KIAA1671: variants seen among roughly 807,000 people sequenced by gnomAD.
KIAA1671 encodes uncharacterized protein KIAA1671.
Under a neutral mutation model 131.2 loss-of-function variants are expected in KIAA1671, and 52 were observed. That is an observed-to-expected ratio of 0.40 (90% confidence interval 0.32 to 0.50). The LOEUF is 0.50. KIAA1671 is among the 20% of genes least tolerant of loss of function. KIAA1671 has a pLI of 0.73. For missense variants in KIAA1671, 2,360 were observed against 2,364.2 expected, an observed-to-expected ratio of 1.00 and a Z score of 0.04; for synonymous variants, 1,003 against 961.6, an observed-to-expected ratio of 1.04 and a Z score of -0.80.
intron 5 of KIAA1671, among the ~76,000 whole-genome samples, chr22:25,043,629 G>A (rs1241327760): frequency 6.6e-6 from 1 of 152,168 alleles, no homozygotes; most frequent in African/African-American, 2.4e-5. Context: ...GAGTGATGGG[G>A]TGCAGAGGGA....
At chr22:25,049,732 C>CT (rs1255507520) in intron 6 of KIAA1671, 2 of 174,474 alleles carry the variant, frequency 1.1e-5, no homozygotes, top group African/African-American at 4.8e-5. Flanking sequence ...ACTTCAGTTT[C>CT]TTCACCTGGA....
At chr22:25,017,406 T>G (rs993991879) in intron 1 of KIAA1671, among the ~76,000 whole-genome samples, 15 of 152,100 alleles carry the variant, frequency 9.9e-5, no homozygotes, top group Admixed American at 4.6e-4. Flanking sequence ...AAGGGGGTGG[T>G]AACTTCTGGA....
At chr22:25,126,141 T>C (rs968238157) in intron 6 of KIAA1671, among the ~76,000 whole-genome samples, 4 of 152,202 alleles carry the variant, frequency 2.6e-5, no homozygotes, top group Non-Finnish European at 4.4e-5. Flanking sequence ...TTGGAAGTAC[T>C]CTTCACGGTC....
At chr22:24,991,768 C>T (rs1923853920) in intron 1 of KIAA1671, among the ~76,000 whole-genome samples, 1 of 151,886 alleles carries the variant, frequency 6.6e-6, no homozygotes. Context: ...GCCCAGTTTC[C>T]TCCTTTCTGA....
At position 25,190,792 on chromosome 22, in the gene KIAA1671, G is replaced by A. The variant is rs755450438; in HGVS notation, c.*4+8G>A. ...AGAACCAAGTTTGACCAGGTATGAA[G>A]GGGCTCTGTTGGGGAACCTGGGAAG... is the stretch of plus-strand genomic sequence containing the variant. On this transcript the variant is annotated splice_region_variant and intron_variant, in intron 12 of 12. Coordinates refer to ENST00000358431, the MANE Select transcript of KIAA1671 (RefSeq NM_001145206.2). The A allele has an allele frequency of 6.5e-7, 1 of 1,543,896 alleles. No individual in the cohort carries two copies.
intron 6 of KIAA1671, among the ~76,000 whole-genome samples, chr22:25,145,897 G>A (rs183778577): frequency 1.4e-3 from 207 of 151,302 alleles, no homozygotes; most frequent in African/African-American, 4.8e-3. Flanking sequence ...CTATGATCAC[G>A]CCACTGTACT....
intron 1 of KIAA1671, among the ~76,000 whole-genome samples, chr22:24,985,484 C>G (rs1034899462): frequency 6.6e-6 from 1 of 152,018 alleles, no homozygotes; most frequent in Non-Finnish European, 1.5e-5. Context: ...GGACTACAGG[C>G]GCCCGCCACC....
At chr22:24,975,163 G>A (rs563560308) in intron 1 of KIAA1671, among the ~76,000 whole-genome samples, 97 of 152,226 alleles carry the variant, frequency 6.4e-4, no homozygotes, top group African/African-American at 2.3e-3. Flanking sequence ...GCCTTACACA[G>A]CCACTAATCT....
chr22:25,130,596 C>A (rs1318040925), intron 6 of KIAA1671, among the ~76,000 whole-genome samples: 1 of 152,160 alleles, frequency 6.6e-6, no homozygotes, highest in Non-Finnish European at 1.5e-5. Context: ...AAAAAGAAGT[C>A]CCATCCTGTG....
At chr22:25,168,685 T>G (rs1171369353) in intron 6 of KIAA1671, among the ~76,000 whole-genome samples, 1 of 150,664 alleles carries the variant, frequency 6.6e-6, no homozygotes, top group Non-Finnish European at 1.5e-5. Flanking sequence ...AGGGTGGGAC[T>G]CCATCTAGGG....
chr22:25,036,865 G>A (rs1022140537), intron 4 of KIAA1671, among the ~76,000 whole-genome samples: 11 of 151,970 alleles, frequency 7.2e-5, no homozygotes, highest in East Asian at 1.9e-4. Context: ...CAGAGATTGC[G>A]GTGAGCCGAG....
At chr22:24,969,552 G>A (rs1185299647) in intron 1 of KIAA1671, among the ~76,000 whole-genome samples, 1 of 152,102 alleles carries the variant, frequency 6.6e-6, no homozygotes, top group Non-Finnish European at 1.5e-5. Context: ...ATGTGAAACC[G>A]ACAGATACTG....
intron 6 of KIAA1671, among the ~76,000 whole-genome samples, chr22:25,074,715 A>G (rs866691814): frequency 8.5e-5 from 13 of 152,100 alleles, no homozygotes; most frequent in African/African-American, 2.7e-4. Context: ...TTTATCATCT[A>G]TCTGTCTGTC....
intron 6 of KIAA1671, among the ~76,000 whole-genome samples, chr22:25,084,426 C>G (rs1417064457): frequency 6.8e-6 from 1 of 147,304 alleles, no homozygotes; most frequent in Non-Finnish European, 1.5e-5. Flanking sequence ...CCAAAGCACT[C>G]CAGCCTCAGC....
intron 6 of KIAA1671, chr22:25,110,895 T>C (rs1931299343): frequency 6.6e-6 from 1 of 152,388 alleles, no homozygotes; most frequent in Non-Finnish European, 1.5e-5. Context: ...CCATGGCAAC[T>C]CCGCCTGTAC....
intron 1 of KIAA1671, among the ~76,000 whole-genome samples, chr22:24,987,789 A>G (rs1923631961): frequency 6.6e-6 from 1 of 152,178 alleles, no homozygotes; most frequent in Admixed American, 6.5e-5. Flanking sequence ...CTCCTGCTAG[A>G]TTGGGCATAT....
chr22:25,149,593 C>A (rs1932969305), intron 6 of KIAA1671, among the ~76,000 whole-genome samples: 1 of 152,096 alleles, frequency 6.6e-6, no homozygotes, highest in Non-Finnish European at 1.5e-5. Flanking sequence ...AGATTGGACC[C>A]TGGAAGACCC....
At chr22:25,072,299 C>T (rs551594461) in intron 6 of KIAA1671, among the ~76,000 whole-genome samples, 1 of 152,170 alleles carries the variant, frequency 6.6e-6, no homozygotes, top group Non-Finnish European at 1.5e-5. Flanking sequence ...CTCTAGTGAC[C>T]TTGGGCAAGT....
intron 6 of KIAA1671, among the ~76,000 whole-genome samples, chr22:25,168,570 G>A: frequency 6.6e-6 from 1 of 152,166 alleles, no homozygotes; most frequent in East Asian, 1.9e-4. Context: ...GTGTGTGCCT[G>A]TAATCCCAGC....
Sources: gnomAD v4.1 joint callset for allele counts (sites outside exome capture counted in the v4.1 genomes callset) on GRCh38, gnomAD v4.1.1 for gene constraint, MANE v1.5 for transcripts, NCBI Gene and HGNC (gene_info 2026-07-23, HGNC 2026-07-21) for gene names.